Variants in ZNF613 observed in about 807,000 individuals in gnomAD.
ZNF613 encodes zinc finger protein 613.
Under a neutral mutation model 14.3 loss-of-function variants are expected in ZNF613, and 8 were observed. The ratio of observed to expected loss-of-function variants is 0.56; its 90% confidence interval spans 0.33 to 1.01. The LOEUF (loss-of-function observed/expected upper bound fraction) is 1.01. Among genes scored for constraint, ZNF613 ranks in the 50% least tolerant of loss-of-function variants. The pLI is 0.03. For synonymous variants in ZNF613, 228 were observed against 254.5 expected, an observed-to-expected ratio of 0.90 and a Z score of 0.99; for missense variants, 656 against 741.9, an observed-to-expected ratio of 0.88 and a Z score of 1.35.
At chr19:51,938,182 G>A (rs2085319413) in intron 3 of ZNF613, among the ~76,000 whole-genome samples, 1 of 144,400 alleles carries the variant, frequency 6.9e-6, no homozygotes. Context: ...TGGCTGGTAG[G>A]GTCATCCAGG....
chr19:51,938,407 G>T (rs998002561), intron 3 of ZNF613, among the ~76,000 whole-genome samples: 1 of 151,964 alleles, frequency 6.6e-6, no homozygotes, highest in African/African-American at 2.4e-5. Context: ...AAGTAGCTAG[G>T]CATGTGCCAC....
At chr19:51,933,229 A>G (rs754412181) in intron 2 of ZNF613, among the ~76,000 whole-genome samples, 46 of 152,212 alleles carry the variant, frequency 3.0e-4, no homozygotes, top group Non-Finnish European at 5.9e-5. Flanking sequence ...TTTGAATGGT[A>G]TAATTTCCTC....
chr19:51,933,434 A>C (rs2085282457), intron 2 of ZNF613, among the ~76,000 whole-genome samples: 1 of 152,134 alleles, frequency 6.6e-6, no homozygotes, highest in Non-Finnish European at 1.5e-5. Flanking sequence ...TAGAATAGAC[A>C]ACAAACAATT....
chr19:51,931,011 C>T (rs531438248), intron 2 of ZNF613, among the ~76,000 whole-genome samples: 10 of 152,086 alleles, frequency 6.6e-5, no homozygotes, highest in Non-Finnish European at 1.2e-4. Context: ...TCTCTGGAGA[C>T]TTATGTTGAG....
intron 2 of ZNF613, among the ~76,000 whole-genome samples, chr19:51,930,894 AG>A (rs1230849717): frequency 6.6e-6 from 1 of 152,186 alleles, no homozygotes; most frequent in Non-Finnish European, 1.5e-5. Flanking sequence ...GCGATATTTG[AG>A]GGTGTCCATT....
At chr19:51,936,886 T>C (rs2085309287) in intron 3 of ZNF613, among the ~76,000 whole-genome samples, 1 of 152,158 alleles carries the variant, frequency 6.6e-6, no homozygotes, top group African/African-American at 2.4e-5. Flanking sequence ...GCTTGGAACT[T>C]TCAGTACTAC....
In ZNF613 at chr19:51,944,658, C is replaced by T. The variant is rs1287787825; in HGVS notation, c.775C>T (p.Pro259Ser). Residue 259 changes from proline (P) to serine (S), a missense_variant, in exon 6 of 6, where the codon CCC becomes TCC. Physicochemically the swap from Pro to Ser is moderately conservative, Grantham distance 74 (BLOSUM62 -1). Transcript: ENST00000293471. ...CCAGAGAAACCACACAGGAGAGAAA[C>T]CCTATGAATGCACTGAATGTGACAA... is the stretch of plus-strand genomic sequence containing the variant. ...EHQRNHTGEK[P>S]YECTECDKAF... 1.2e-6 allele frequency: 2 copies of T among 1,613,970 alleles called. No individual in the cohort carries two copies. Among genetic ancestry groups the T allele is most frequent in the African/African-American group, 2.7e-5 (2 of 74,882 alleles).
chr19:51,933,397 G>A (rs762170488), intron 2 of ZNF613, among the ~76,000 whole-genome samples: 2 of 152,168 alleles, frequency 1.3e-5, no homozygotes, highest in Non-Finnish European at 2.9e-5. Context: ...ACAGGAAGGG[G>A]CCTGTTGCAT....
rs550875576 is a variant in ZNF613 at position 51,944,788 on chromosome 19, G to A, written c.905G>A (p.Arg302Gln). The A allele has an allele frequency of 2.2e-5, 35 of 1,605,040 alleles. No homozygotes were observed. The highest frequency in any genetic ancestry group is 6.6e-5 in the South Asian group (6 of 90,694). ...DCGKGFIKKS[R>Q]LINHQRVHTG... ...GGAAAAGGCTTCATCAAGAAGTCTC[G>A]GCTCATTAATCATCAGAGAGTTCAT... The change falls in exon 6 of 6, where the codon CGG becomes CAG. Residue 302 changes from arginine to glutamine, a missense_variant. By Grantham distance (43) the Arg-to-Gln change is conservative. Transcript: ENST00000293471.
intron 1 of ZNF613, among the ~76,000 whole-genome samples, chr19:51,929,191 CAT>C (rs2085243891): frequency 6.6e-6 from 1 of 152,086 alleles, no homozygotes; most frequent in South Asian, 2.1e-4. Context: ...TTATAGTAAA[CAT>C]ATCATCCATG....
At chr19:51,943,180 A>C (rs533955542) in intron 5 of ZNF613, among the ~76,000 whole-genome samples, 1 of 152,194 alleles carries the variant, frequency 6.6e-6, no homozygotes, top group Non-Finnish European at 1.5e-5. Flanking sequence ...TACCAGAAAG[A>C]GTGATTCTCT....
chr19:51,939,312 T>C (rs1033479920), intron 3 of ZNF613, among the ~76,000 whole-genome samples: 1 of 151,508 alleles, frequency 6.6e-6, no homozygotes, highest in Admixed American at 6.6e-5. Context: ...TTATTATTTA[T>C]TTATTTATTT....
chr19:51,940,920 ATTTAT>A (rs527429964), intron 5 of ZNF613, among the ~76,000 whole-genome samples: 52 of 151,826 alleles, frequency 3.4e-4, no homozygotes, highest in South Asian at 1.0e-3. Flanking sequence ...TTTATTTTTT[ATTTAT>A]TTTATTTTAT....
In ZNF613 at chr19:51,945,175, A is replaced by G; in HGVS notation, c.1292A>G (p.Asn431Ser). The change falls in exon 6 of 6, where the codon AAT becomes AGT. Residue 431 changes from asparagine (N) to serine (S), a missense_variant. Asn to Ser is a conservative substitution (Grantham distance 46, BLOSUM62 1). Transcript: ENST00000293471. ...ACTGGAGAGAAACCCTATGTATGCA[A>G]TGAATGTGGGAAAGGCTTCAGCCAG... ...THTGEKPYVC[N>S]ECGKGFSQKT... is the part of the protein sequence containing the mutation. The G allele has an allele frequency of 6.2e-7, 1 of 1,614,144 alleles. No individual in the cohort carries two copies. Among genetic ancestry groups the G allele is most frequent in the South Asian group, 1.1e-5 (1 of 91,080 alleles).
intron 3 of ZNF613, among the ~76,000 whole-genome samples, chr19:51,937,725 C>CTTT (rs557250619): frequency 2.5e-4 from 26 of 105,224 alleles, no homozygotes; most frequent in Non-Finnish European, 3.1e-4. Context: ...TGTCTTTTTT[C>CTTT]TTTTTTTTTT....
At position 51,944,581 on chromosome 19, in the gene ZNF613, G is replaced by A. The variant is rs1321502575; in HGVS notation, c.698G>A (p.Gly233Glu). ...QRVHTGEKPH[G>E]CSICGKAFSR... ...GTTCACACTGGGGAGAAACCTCATGGATGCAGTATATGTGGGAAAGCCTTC... is the reference window on the plus strand; with the variant it reads ...GTTCACACTGGGGAGAAACCTCATGAATGCAGTATATGTGGGAAAGCCTTC... The change falls in exon 6 of 6, where the codon GGA becomes GAA. Residue 233 changes from glycine to glutamate, a missense_variant. Gly to Glu is a moderately conservative substitution (Grantham distance 98, BLOSUM62 -2). Coordinates refer to ENST00000293471, the MANE Select transcript of ZNF613 (RefSeq NM_001031721.4). 1 of 1,614,000 alleles carries A rather than the reference G, an allele frequency of 6.2e-7. No individual in the cohort carries two copies. Among genetic ancestry groups the A allele is most frequent in the African/African-American group, 1.3e-5 (1 of 74,908 alleles).
chr19:51,943,950 G>C (rs1238058558), intron 5 of ZNF613, among the ~76,000 whole-genome samples, 169 bp from the exon 6 acceptor site: 1 of 152,070 alleles, frequency 6.6e-6, no homozygotes, highest in Non-Finnish European at 1.5e-5. Flanking sequence ...TGTTTTCTTT[G>C]TTTAAATTAT....
intron 3 of ZNF613, among the ~76,000 whole-genome samples, chr19:51,936,553 A>G (rs1366106248): frequency 6.6e-6 from 1 of 152,078 alleles, no homozygotes. Flanking sequence ...CAGTGGTGCA[A>G]TCTTGGCTCA....
Position 51,944,508 on chromosome 19 carries a change from T to C in ZNF613, c.625T>C (p.Cys209Arg). 6.2e-7 allele frequency: 1 copy of C among 1,611,958 alleles called. No individual in the cohort carries two copies. The highest frequency in any genetic ancestry group is 2.2e-5 in the East Asian group (1 of 44,832). Residue 209 changes from cysteine (C) to arginine (R), a missense_variant, in exon 6 of 6, where the codon TGT (cysteine) becomes CGT (arginine). Cys to Arg is a radical substitution (Grantham distance 180). Coordinates refer to ENST00000293471, the MANE Select transcript of ZNF613 (RefSeq NM_001031721.4). ...NIDKPHVCTE[C>R]GKAFLKKSRL... ...AGATAAACCCCATGTATGCACTGAG[T>C]GTGGGAAGGCTTTCCTCAAGAAGTC... is the stretch of plus-strand genomic sequence containing the variant.
Sources: allele counts gnomAD v4.1 joint callset (sites outside exome capture counted in the v4.1 genomes callset), GRCh38; gene constraint gnomAD v4.1.1; transcripts MANE v1.5; gene names NCBI Gene and HGNC (gene_info 2026-07-23, HGNC 2026-07-21).